CRYL1: variants seen among roughly 807,000 people sequenced by gnomAD.
CRYL1 encodes the protein crystallin lambda 1.
A neutral mutation model predicts 36.6 loss-of-function variants in CRYL1; 29 were observed. The observed-to-expected ratio is 0.79, with a 90% CI of 0.59 to 1.08. The LOEUF (loss-of-function observed/expected upper bound fraction) is 1.08, where lower values mean the gene tolerates loss of function less well. Among genes scored for constraint, CRYL1 ranks in the 50% least tolerant of loss-of-function variants. The probability of loss-of-function intolerance (pLI) is 0.00; values close to 1 mark genes in which losing one functional copy is unlikely to be tolerated. For synonymous variants in CRYL1, 152 were observed against 151.5 expected (o/e 1.00, Z -0.02); for missense variants, 411 against 407.9 (o/e 1.01, Z -0.06).
At position 20,525,649 on chromosome 13, in the gene CRYL1, G is replaced by T. The variant is rs952325923; in HGVS notation, c.41+105C>A. On this transcript the variant is annotated intron_variant, in intron 1 of 7. Coordinates refer to ENST00000298248, the MANE Select transcript of CRYL1 (RefSeq NM_015974.3). This position sits in a 1 kb window ranked among gnomAD's most constrained non-coding sequence, Gnocchi z 4.3. ...GCTTCGGAGGACCGGAGGCCGGGGC[G>T]GGGACAGCGACCCGGCGCCCACCCC... 36 of 948,266 alleles carry T rather than the reference G, an allele frequency of 3.8e-5. 1 individual carries two copies. In the Middle Eastern group the frequency reaches 1.5e-3, roughly 40 times the overall value. 58.7% of individuals were successfully genotyped at this position (948,266 alleles called of 1,614,324 possible). A position where few individuals can be genotyped will look rare whatever the true frequency, so the allele number is the denominator to read the frequency against.
chr13:20,479,460 C>G (rs1343295378), intron 3 of CRYL1, among the ~76,000 whole-genome samples: 1 of 152,078 alleles, frequency 6.6e-6, no homozygotes, highest in African/African-American at 2.4e-5. Context: ...GATGATCAAC[C>G]AAGTTTAACT....
chr13:20,472,626 A>G (rs560459761), intron 3 of CRYL1, among the ~76,000 whole-genome samples: 16 of 152,304 alleles, frequency 1.1e-4, no homozygotes, highest in African/African-American at 3.6e-4. Context: ...GTTCCTCCCA[A>G]CCACTGCCTT....
At chr13:20,428,855 C>A (rs2031991337) in intron 5 of CRYL1, among the ~76,000 whole-genome samples, 2 of 152,198 alleles carry the variant, frequency 1.3e-5, no homozygotes, top group Admixed American at 6.5e-5. Context: ...TCATTTCCAG[C>A]AGGCTCCCTC....
intron 2 of CRYL1, among the ~76,000 whole-genome samples, chr13:20,491,580 C>T (rs938394565): frequency 7.9e-5 from 12 of 152,128 alleles, no homozygotes; most frequent in Admixed American, 2.6e-4. Context: ...CACTTGAGGA[C>T]GGGAGTTTGA....
At chr13:20,429,548 A>G (rs1348642998) in intron 5 of CRYL1, among the ~76,000 whole-genome samples, 1 of 152,072 alleles carries the variant, frequency 6.6e-6, no homozygotes, top group South Asian at 2.1e-4. Flanking sequence ...AAACCAACCC[A>G]CCAGAACAGT....
intron 3 of CRYL1, among the ~76,000 whole-genome samples, chr13:20,446,851 G>A (rs2032468315): frequency 6.6e-6 from 1 of 152,178 alleles, no homozygotes; most frequent in South Asian, 2.1e-4. Context: ...TTAATTTGGG[G>A]ATAGTGCTTC....
intron 1 of CRYL1, among the ~76,000 whole-genome samples, chr13:20,514,724 A>G (rs1327953859): frequency 6.6e-6 from 1 of 152,240 alleles, no homozygotes; most frequent in Non-Finnish European, 1.5e-5. Context: ...AATGCACCAT[A>G]TTAATGTAAG....
At chr13:20,508,443 A>G (rs1487631060) in intron 2 of CRYL1, among the ~76,000 whole-genome samples, 1 of 152,214 alleles carries the variant, frequency 6.6e-6, no homozygotes, top group African/African-American at 2.4e-5. Flanking sequence ...TTACAATTAT[A>G]AAATTAACGG....
At chr13:20,492,474 T>C (rs113391360) in intron 2 of CRYL1, among the ~76,000 whole-genome samples, 2,947 of 152,268 alleles carry the variant, frequency 0.019, 61 homozygotes, top group African/African-American at 0.049. Context: ...GAACGCACTC[T>C]TTCTGGAGGT....
rs1593480775 is a variant in CRYL1, at chr13:20,488,775, C to T, written c.276+595G>A. On this transcript the variant is annotated intron_variant, in intron 3 of 7. Coordinates refer to ENST00000298248, the MANE Select transcript of CRYL1 (RefSeq NM_015974.3). ...ATTCTTCAACAGGGCAGGGCCTGTG[C>T]GTGGGCACAGGAGCTCCAGGAGCGG... Among the ~76,000 whole-genome samples, 4 of 152,334 alleles carry T rather than the reference C, an allele frequency of 2.6e-5. No homozygotes were observed. In the South Asian group the frequency reaches 8.3e-4, roughly 32 times the overall value.
At chr13:20,426,476 T>A (rs906803944) in intron 5 of CRYL1, among the ~76,000 whole-genome samples, 2 of 152,136 alleles carry the variant, frequency 1.3e-5, no homozygotes, top group African/African-American at 4.8e-5. Context: ...AAACTAGGAC[T>A]GTGAATCACA....
At chr13:20,443,424 C>T (rs563046332) in intron 3 of CRYL1, among the ~76,000 whole-genome samples, 2 of 152,224 alleles carry the variant, frequency 1.3e-5, no homozygotes, top group East Asian at 3.9e-4. Context: ...GATGGAGTCT[C>T]ACTCTGTTGC....
chr13:20,501,483 C>A (rs2033703558), intron 2 of CRYL1, among the ~76,000 whole-genome samples: 1 of 152,184 alleles, frequency 6.6e-6, no homozygotes, highest in African/African-American at 2.4e-5. Context: ...GCTAACATTT[C>A]TTTCAGAAAT....
At position 20,413,316 on chromosome 13, in the gene CRYL1, A is replaced by G; in HGVS notation, c.705T>C (p.Ile235=). 6.2e-7 allele frequency: 1 copy of G among 1,613,816 alleles called. No individual in the cohort carries two copies. The highest frequency in any genetic ancestry group is 1.7e-5 in the Admixed American group (1 of 59,976). ...TGAGATGCATGGTTTCCAGGGGTCC[A>G]ATGAATGCATACCGCATGCCCAACC... ...SEGLGMRYAF[I]GPLETMHLNA... The change falls in exon 6 of 8, where the codon ATT becomes ATC. Residue 235 remains isoleucine (I), a synonymous_variant. Transcript: ENST00000298248.
At chr13:20,471,534 G>T (rs551741348) in intron 3 of CRYL1, among the ~76,000 whole-genome samples, 1 of 152,130 alleles carries the variant, frequency 6.6e-6, no homozygotes, top group African/African-American at 2.4e-5. Context: ...GAACCCAGGA[G>T]GCTGAGCTTT....
chr13:20,460,666 C>T (rs985586074), intron 3 of CRYL1, among the ~76,000 whole-genome samples: 1 of 151,368 alleles, frequency 6.6e-6, no homozygotes, highest in Non-Finnish European at 1.5e-5. Flanking sequence ...GCCGGGACTA[C>T]AGGCGCCCGC....
rs1177863728 is a variant in CRYL1 at position 20,459,071 on chromosome 13, TA to T, written c.277-19318del. 5.9e-4 allele frequency among the ~76,000 whole-genome samples: 90 copies of T among 151,704 alleles called. 1 individual carries two copies. The highest frequency in any genetic ancestry group is 2.3e-3 in the South Asian group (11 of 4,802). ...TAACACGGTGAAACCCCGTCTCTAC[TA>T]AAAAATACAAAAAATTAGCTGGGCG... is the stretch of plus-strand genomic sequence containing the variant. On this transcript the variant is annotated intron_variant, in intron 3 of 7. Transcript: ENST00000298248.
chr13:20,412,643 G>A (rs747601978), intron 6 of CRYL1, among the ~76,000 whole-genome samples: 1 of 152,190 alleles, frequency 6.6e-6, no homozygotes, highest in Non-Finnish European at 1.5e-5. Context: ...GGTTGACAGA[G>A]TTTCATTCTT....
Position 20,435,386 on chromosome 13 carries a change from AGACTTCCATTCACACC to A in CRYL1, c.439-3106_439-3091del, listed in dbSNP as rs909115821. ...TGGGCCCCACGCAGCCCCCCAAAAC[AGACTTCCATTCACACC>A]GACTTCCATCCACACCTCCGTGTCC... is the stretch of plus-strand genomic sequence containing the variant. On this transcript the variant is annotated intron_variant, in intron 4 of 7. Transcript: ENST00000298248. This position sits in a 1 kb window ranked among gnomAD's most constrained non-coding sequence, Gnocchi z 4.0. Among the ~76,000 whole-genome samples the A allele has an allele frequency of 8.5e-5, 13 of 152,140 alleles. No individual in the cohort carries two copies. Among genetic ancestry groups the A allele is most frequent in the Admixed American group, 2.0e-4 (3 of 15,278 alleles).
Sources: gnomAD v4.1 joint callset for allele counts (sites outside exome capture counted in the v4.1 genomes callset) on GRCh38, gnomAD v4.1.1 for gene constraint, Gnocchi (gnomAD v3.1) non-coding constraint, MANE v1.5 for transcripts, NCBI Gene and HGNC (gene_info 2026-07-23, HGNC 2026-07-21) for gene names.